Variants in RYR2 observed in about 807,000 individuals in gnomAD.
RYR2 encodes ryanodine receptor 2, also known as cardiac muscle ryanodine receptor-calcium release channel.
Under a neutral mutation model 601.1 loss-of-function variants are expected in RYR2, and 227 were observed. The ratio of observed to expected loss-of-function variants is 0.38; its 90% CI spans 0.34 to 0.42. The LOEUF (loss-of-function observed/expected upper bound fraction) is 0.42. RYR2 is among the 10% of genes least tolerant of loss of function. RYR2 has a pLI of 1.00. For missense variants in RYR2, 4,646 were observed against 6,156.5 expected, an observed-to-expected ratio of 0.75 and a Z score of 8.21; for synonymous variants, 2,223 against 2,175.1, an observed-to-expected ratio of 1.02 and a Z score of -0.61.
In RYR2 at chr1:237,125,639, C is replaced by T. The variant is rs894346450; in HGVS notation, c.48+83070C>T. On this transcript the variant is annotated intron_variant, in intron 1 of 104. Transcript: ENST00000366574. ...GTTTTTGTGCTAAGTTCCTCAAATG[C>T]GTTCTAAATATTAAACTGAATGAAA... Among the ~76,000 whole-genome samples, 7 of 152,178 alleles carry T rather than the reference C, an allele frequency of 4.6e-5. No individual in the cohort carries two copies. The South Asian group carries it at 8.3e-4, about 18-fold the overall frequency.
At chr1:237,733,632 A>T in intron 78 of RYR2, 73 bp from the exon 79 acceptor site, 1 of 928,512 alleles carries the variant, frequency 1.1e-6, no homozygotes. Context: ...AGGTTATTTT[A>T]AGCAGCGATG....
chr1:237,446,268 A>G (rs1708325040), intron 14 of RYR2, among the ~76,000 whole-genome samples: 1 of 152,204 alleles, frequency 6.6e-6, no homozygotes, highest in African/African-American at 2.4e-5. Flanking sequence ...TTTTCTGGTA[A>G]CATTATACCA....
intron 27 of RYR2, among the ~76,000 whole-genome samples, chr1:237,554,107 A>G (rs762008022): frequency 1.3e-5 from 2 of 151,962 alleles, no homozygotes; most frequent in Middle Eastern, 3.2e-3. Flanking sequence ...ATGTTTCACC[A>G]TTAAGTATGA....
At chr1:237,282,375 G>A (rs1572462790) in intron 2 of RYR2, among the ~76,000 whole-genome samples, 1 of 151,996 alleles carries the variant, frequency 6.6e-6, no homozygotes, top group African/African-American at 2.4e-5. Flanking sequence ...ATTTTCATGT[G>A]CCATAAAATA....
chr1:237,555,802 C>T (rs1339108213), intron 27 of RYR2, among the ~76,000 whole-genome samples: 1 of 152,108 alleles, frequency 6.6e-6, no homozygotes, highest in African/African-American at 2.4e-5. Context: ...GAAAACACTA[C>T]AGCTCAGAGA....
In RYR2 at chr1:237,496,672, G is replaced by C. The variant is rs367988928; in HGVS notation, c.2123G>C (p.Gly708Ala). The C allele has an allele frequency of 2.5e-6, 4 of 1,613,870 alleles. No individual in the cohort carries two copies. Among genetic ancestry groups the C allele is most frequent in the Non-Finnish European group, 3.4e-6 (4 of 1,179,894 alleles). ...ASTEGYSPYP[G>A]GGEEWGGNGV... ...ACTGAAGGATATTCTCCCTACCCTG[G>C]AGGGGGCGAAGAGTGGGGTGGAAAT... The change falls in exon 20 of 105, where the codon GGA becomes GCA. Residue 708 changes from glycine to alanine, a missense_variant. By Grantham distance (60) the Gly-to-Ala change is moderately conservative. This residue lies in a region of RYR2 where 1,807 missense variants were observed against 2,088.1 expected (regional missense o/e 0.87). Coordinates refer to ENST00000366574, the MANE Select transcript of RYR2 (RefSeq NM_001035.3).
chr1:237,280,986 T>C (rs987819127), intron 2 of RYR2, among the ~76,000 whole-genome samples: 1 of 152,074 alleles, frequency 6.6e-6, no homozygotes, highest in African/African-American at 2.4e-5. Context: ...GGTTTCACCA[T>C]GTTGGCCAAG....
intron 2 of RYR2, among the ~76,000 whole-genome samples, chr1:237,274,817 T>G (rs1189152021): frequency 2.0e-5 from 3 of 152,166 alleles, no homozygotes. Context: ...TTGAGATATG[T>G]TTATATAAAC....
chr1:237,459,795 G>A (rs369941592), intron 16 of RYR2, among the ~76,000 whole-genome samples: 2 of 152,156 alleles, frequency 1.3e-5, no homozygotes, highest in African/African-American at 4.8e-5. Context: ...TGGGGACTTG[G>A]TGGGTATGAA....
chr1:237,294,872 T>C (rs1035740936), intron 2 of RYR2, among the ~76,000 whole-genome samples: 1 of 152,100 alleles, frequency 6.6e-6, no homozygotes, highest in Non-Finnish European at 1.5e-5. Context: ...ACAGTTTTTT[T>C]AGGGGAGGGG....
At chr1:237,618,978 C>T (rs1178447033) in intron 38 of RYR2, among the ~76,000 whole-genome samples, 1 of 152,112 alleles carries the variant, frequency 6.6e-6, no homozygotes. Flanking sequence ...TTCCCTCCTC[C>T]AGATGTCCAA....
At chr1:237,258,785 G>A (rs1006540991) in intron 1 of RYR2, among the ~76,000 whole-genome samples, 17 of 152,130 alleles carry the variant, frequency 1.1e-4, no homozygotes, top group Non-Finnish European at 2.4e-4. Flanking sequence ...ATGCTAAGGC[G>A]TTAATTTAGA....
intron 2 of RYR2, among the ~76,000 whole-genome samples, chr1:237,315,058 C>T (rs1440735211): frequency 6.6e-6 from 1 of 152,076 alleles, no homozygotes; most frequent in Non-Finnish European, 1.5e-5. Context: ...GTAATTTTTT[C>T]ACCAAAGAAT....
In RYR2 at chr1:237,639,130, A is replaced by G. The variant is rs1366991640; in HGVS notation, c.7044A>G (p.Glu2348=). The part of the protein sequence containing the change: ...EGGNGLLAAM[E]EAIKIAEDPS... The stretch of plus-strand genomic sequence containing the variant: ...GGAATGGGCTTCTTGCAGCAATGGA[A>G]GAAGCCATCAAAATCGCCGAGGATC... Residue 2348 remains glutamate (E), a synonymous_variant, in exon 46 of 105, where the codon GAA becomes GAG. Transcript: ENST00000366574. 1.9e-6 allele frequency: 3 copies of G among 1,613,940 alleles called. No individual in the cohort carries two copies. The highest frequency in any genetic ancestry group is 2.5e-6 in the Non-Finnish European group (3 of 1,179,878).
intron 27 of RYR2, among the ~76,000 whole-genome samples, chr1:237,560,784 A>G (rs1465911919): frequency 2.0e-5 from 3 of 152,150 alleles, no homozygotes; most frequent in Non-Finnish European, 4.4e-5. Flanking sequence ...TACTGATGTC[A>G]CTCAGCAATA....
rs114115862 is a variant in RYR2, at chr1:237,161,491, T to C, written c.49-109006T>C. Among the ~76,000 whole-genome samples the C allele has an allele frequency of 6.3e-3, 928 of 148,428 alleles. 7 individuals carry two copies. The highest frequency in any genetic ancestry group is 0.033 in the South Asian group (157 of 4,816). Reference sequence around the variant, plus strand: ...TCAGGAGTTTTAATAAAAAATTGTCTCTAAGAATGCTGTTTCCACTGCATT... The same window carrying C: ...TCAGGAGTTTTAATAAAAAATTGTCCCTAAGAATGCTGTTTCCACTGCATT... On this transcript the variant is annotated intron_variant, in intron 1 of 104. Coordinates refer to ENST00000366574, the MANE Select transcript of RYR2 (RefSeq NM_001035.3).
chr1:237,272,322 C>CA (rs56155088), intron 2 of RYR2, among the ~76,000 whole-genome samples: 21,373 of 141,980 alleles, frequency 0.15, 1,720 homozygotes, highest in East Asian at 0.19. Flanking sequence ...AGGATCGAAC[C>CA]AAAAAAAAAA....
At chr1:237,309,455 C>T (rs1694281000) in intron 2 of RYR2, among the ~76,000 whole-genome samples, 2 of 151,912 alleles carry the variant, frequency 1.3e-5, no homozygotes, top group Admixed American at 1.3e-4. Context: ...CTGATAGGTG[C>T]ATTTACAAAC....
Position 237,670,275 on chromosome 1 carries a change from C to A in RYR2, c.8590+2317C>A, listed in dbSNP as rs1015119733. ...CTTCGGCTCGGCATCAGAGGGAGAC[C>A]GTGGGGAGAGGGAGACTGTGGGGAG... On this transcript the variant is annotated intron_variant, in intron 58 of 104. Coordinates refer to ENST00000366574, the MANE Select transcript of RYR2 (RefSeq NM_001035.3). Among the ~76,000 whole-genome samples, 3 of 120,046 alleles carry A rather than the reference C, an allele frequency of 2.5e-5. No individual in the cohort carries two copies. The East Asian group carries it at 8.2e-4, about 33-fold the overall frequency. The allele number at this position is 120,046 out of a possible 152,430, so 78.8% of individuals were successfully genotyped here.
Sources: gnomAD v4.1 joint callset for allele counts (sites outside exome capture counted in the v4.1 genomes callset) on GRCh38, gnomAD v4.1.1 for gene constraint, gnomAD v4.1.1 regional missense constraint, MANE v1.5 for transcripts, NCBI Gene and HGNC (gene_info 2026-07-23, HGNC 2026-07-21) for gene names.